AGAP1: variants seen among roughly 807,000 people sequenced by gnomAD.
AGAP1 encodes ArfGAP with GTPase domain, ankyrin repeat and PH domain 1.
In AGAP1, 29 loss-of-function variants were observed where a neutral mutation model predicts 105.3. That is an observed-to-expected ratio of 0.28 (90% CI 0.21 to 0.38). The LOEUF (loss-of-function observed/expected upper bound fraction) is 0.38, where lower values mean the gene tolerates loss of function less well. Ranked by LOEUF, AGAP1 falls within the 10% of genes least tolerant of loss-of-function variation. AGAP1 has a pLI of 1.00. For synonymous variants in AGAP1, 509 were observed against 485.9 expected, an observed-to-expected ratio of 1.05 and a Z score of -0.63; for missense variants, 998 against 1,165.1, an observed-to-expected ratio of 0.86 and a Z score of 2.09.
rs1261926662 is a variant in AGAP1, at chr2:235,549,303, G to A, written c.163+54454G>A. On this transcript the variant is annotated intron_variant, in intron 1 of 17. Transcript: ENST00000304032. This position sits in a 1 kb window ranked among gnomAD's most constrained non-coding sequence, Gnocchi z 4.2. ...ACAGGGATGACTGGAGAGAGCTGGC[G>A]AGTGCAGCCTGCTGGGATGCCAGCT... Among the ~76,000 whole-genome samples the A allele has an allele frequency of 1.3e-5, 2 of 152,228 alleles. No homozygotes were observed. Among genetic ancestry groups the A allele is most frequent in the Non-Finnish European group, 2.9e-5 (2 of 68,050 alleles).
At chr2:235,702,934 G>GTTTTTT (rs549844265) in intron 1 of AGAP1, among the ~76,000 whole-genome samples, 8,951 of 88,852 alleles carry the variant, frequency 0.1, 1,873 homozygotes, top group African/African-American at 0.3. Flanking sequence ...AGTTTTCTTG[G>GTTTTTT]TTTTTTTTTT....
intron 6 of AGAP1, among the ~76,000 whole-genome samples, chr2:235,784,565 A>G (rs1274026082): frequency 6.8e-6 from 1 of 147,556 alleles, no homozygotes; most frequent in Non-Finnish European, 1.5e-5. Flanking sequence ...AGCGATTACA[A>G]TGGCAATTGA....
Position 236,099,396 on chromosome 2 carries a change from G to A in AGAP1, c.2115-20796G>A, listed in dbSNP as rs548468989. On this transcript the variant is annotated intron_variant, in intron 16 of 17. Coordinates refer to ENST00000304032, the MANE Select transcript of AGAP1 (RefSeq NM_001037131.3). ...CATGAACCCAGGAGGAGGAGGTTGC[G>A]GTGAGCCGAGATCACACCACTGCAC... Among the ~76,000 whole-genome samples the A allele has an allele frequency of 1.7e-3, 253 of 151,618 alleles. 2 individuals are homozygous for A. The highest frequency in any genetic ancestry group is 4.9e-3 in the Admixed American group (74 of 15,238).
At chr2:236,049,019 T>A (rs2057814835) in intron 15 of AGAP1, 40 bp from the exon 16 acceptor site, 1 of 1,559,384 alleles carries the variant, frequency 6.4e-7, no homozygotes, top group African/African-American at 1.4e-5. Flanking sequence ...TGATGCATGA[T>A]GGTCTGATTG....
rs1451138291 is a variant in AGAP1, at chr2:236,078,289, GTT to G, written c.2114+29013_2114+29014del. ...GTAGGATTTCATCATCACGAAACCT[GTT>G]TTTTGCTCTTTGGGCTCTCACCTGA... On this transcript the variant is annotated intron_variant, in intron 16 of 17. Coordinates refer to ENST00000304032, the MANE Select transcript of AGAP1 (RefSeq NM_001037131.3). This position sits in a 1 kb window ranked among gnomAD's most constrained non-coding sequence, Gnocchi z 5.3. Among the ~76,000 whole-genome samples, 1 of 152,122 alleles carries G rather than the reference GTT, an allele frequency of 6.6e-6. No individual in the cohort carries two copies. The highest frequency in any genetic ancestry group is 2.4e-5 in the African/African-American group (1 of 41,426).
At chr2:236,066,623 G>A (rs1228109660) in intron 16 of AGAP1, among the ~76,000 whole-genome samples, 1 of 152,172 alleles carries the variant, frequency 6.6e-6, no homozygotes, top group Non-Finnish European at 1.5e-5. Context: ...AAAATGGTTG[G>A]ATTATCCAGA....
rs1472411940 is a variant in AGAP1 at position 235,563,719 on chromosome 2, T to G, written c.163+68870T>G. Among the ~76,000 whole-genome samples the G allele has an allele frequency of 3.3e-5, 5 of 152,100 alleles. No homozygotes were observed. In the East Asian group the frequency reaches 9.6e-4, roughly 29 times the overall value. On this transcript the variant is annotated intron_variant, in intron 1 of 17. Coordinates refer to ENST00000304032, the MANE Select transcript of AGAP1 (RefSeq NM_001037131.3). ...TGATTCTAATGAACTTTGCTATGGCTTGGGAAGGGGCCTCTGCATGGAGAG... is the reference window on the plus strand; with the variant it reads ...TGATTCTAATGAACTTTGCTATGGCGTGGGAAGGGGCCTCTGCATGGAGAG...
intron 1 of AGAP1, among the ~76,000 whole-genome samples, chr2:235,497,200 CCTT>C (rs1941355139): frequency 6.6e-6 from 1 of 152,162 alleles, no homozygotes; most frequent in Non-Finnish European, 1.5e-5. Context: ...ATAATGACCT[CCTT>C]AACATTTGAC....
At chr2:236,072,449 A>C (rs2058526937) in intron 16 of AGAP1, 1 of 151,966 alleles carries the variant, frequency 6.6e-6, no homozygotes, top group South Asian at 2.1e-4. Flanking sequence ...GTCTCAAAAA[A>C]AAAAAAAGAG....
At position 235,550,246 on chromosome 2, in the gene AGAP1, T is replaced by C. The variant is rs1015106964; in HGVS notation, c.163+55397T>C. Among the ~76,000 whole-genome samples, 3 of 152,262 alleles carry C rather than the reference T, an allele frequency of 2.0e-5. No homozygotes were observed. The East Asian group carries it at 5.8e-4, about 29-fold the overall frequency. On this transcript the variant is annotated intron_variant, in intron 1 of 17. Transcript: ENST00000304032. The surrounding 1 kb of genome is among the most constrained non-coding windows in gnomAD (Gnocchi z 4.6). ...GAGGCACCTCCTCGTCACAGTGTTCTCCGCAGCCCTGACTGGCGAGGAGGG... is the reference window on the plus strand; with the variant it reads ...GAGGCACCTCCTCGTCACAGTGTTCCCCGCAGCCCTGACTGGCGAGGAGGG...
In AGAP1 at chr2:235,855,182, ATCGGC is replaced by A; in HGVS notation, c.1051-28162_1051-28158del. ...AGCCTCATCAGGCCCCAGGTGGAAA[ATCGGC>A]GTGGTGACGCATGTGCTGCCATCCC... On this transcript the variant is annotated intron_variant, in intron 9 of 17. Coordinates refer to ENST00000304032, the MANE Select transcript of AGAP1 (RefSeq NM_001037131.3). This position sits in a 1 kb window ranked among gnomAD's most constrained non-coding sequence, Gnocchi z 5.0. Among the ~76,000 whole-genome samples, 1 of 152,212 alleles carries A rather than the reference ATCGGC, an allele frequency of 6.6e-6. No homozygotes were observed. The highest frequency in any genetic ancestry group is 1.5e-5 in the Non-Finnish European group (1 of 68,038).
At chr2:235,539,541 A>AT (rs1455020072) in intron 1 of AGAP1, among the ~76,000 whole-genome samples, 2 of 151,618 alleles carry the variant, frequency 1.3e-5, no homozygotes, top group Non-Finnish European at 2.9e-5. Context: ...CTATTTTGGT[A>AT]TTTTTTTCTC....
intron 1 of AGAP1, among the ~76,000 whole-genome samples, chr2:235,651,304 G>A (rs143386325): frequency 7.3e-5 from 11 of 150,032 alleles, no homozygotes; most frequent in African/African-American, 2.7e-4. Flanking sequence ...TAAACAGGAA[G>A]TTCTAGTACC....
intron 1 of AGAP1, among the ~76,000 whole-genome samples, chr2:235,657,266 C>A (rs908030909): frequency 3.0e-4 from 46 of 152,272 alleles, no homozygotes; most frequent in African/African-American, 1.1e-3. Flanking sequence ...CAATGCATGA[C>A]CTTGTTTATG....
chr2:236,124,265 C>A lies in AGAP1; in HGVS notation c.*143C>A, dbSNP rs1463363773. The A allele has an allele frequency of 4.2e-6, 4 of 955,572 alleles. No homozygotes were observed. Among genetic ancestry groups the A allele is most frequent in the Non-Finnish European group, 6.2e-6 (4 of 641,994 alleles). 59.2% of individuals were successfully genotyped at this position (955,572 alleles called of 1,614,324 possible). A position where few individuals can be genotyped will look rare whatever the true frequency, so the allele number is the denominator to read the frequency against. On this transcript the variant is annotated 3_prime_UTR_variant, in exon 18 of 18. Coordinates refer to ENST00000304032, the MANE Select transcript of AGAP1 (RefSeq NM_001037131.3). The surrounding 1 kb of genome is among the most constrained non-coding windows in gnomAD (Gnocchi z 5.1). The stretch of plus-strand genomic sequence containing the variant: ...CTCCCTCCCGCCCACCCACTCTCAC[C>A]CCAAACAAAATCACAAAACCTGGAC...
rs140786899 is a variant in AGAP1, at chr2:236,020,887, C to T, written c.1646-15674C>T. On this transcript the variant is annotated intron_variant, in intron 13 of 17. Transcript: ENST00000304032. The surrounding 1 kb of genome is among the most constrained non-coding windows in gnomAD (Gnocchi z 5.0). ...CAACTAAGAACTAATGCAGGTAGGCCGGGCACAGTGGCTCACACCTATAAT... is the reference window on the plus strand; with the variant it reads ...CAACTAAGAACTAATGCAGGTAGGCTGGGCACAGTGGCTCACACCTATAAT... Among the ~76,000 whole-genome samples the T allele has an allele frequency of 6.6e-5, 10 of 152,170 alleles. No homozygotes were observed. The highest frequency in any genetic ancestry group is 5.8e-4 in the East Asian group (3 of 5,162).
chr2:235,686,620 GATATATATATATATATATATAT>G (rs1194270184), intron 1 of AGAP1, among the ~76,000 whole-genome samples: 2 of 57,242 alleles, frequency 3.5e-5, no homozygotes, highest in African/African-American at 1.7e-4. Context: ...TGGAGATATA[GATATATATATATATATATATAT>G]ATAGATATAT....
intron 16 of AGAP1, among the ~76,000 whole-genome samples, chr2:236,069,679 C>G (rs902143629): frequency 7.9e-5 from 12 of 152,188 alleles, no homozygotes; most frequent in Non-Finnish European, 2.9e-5. Flanking sequence ...CCACCTCAGC[C>G]TCCCAAAGTG....
chr2:235,602,563 C>G (rs1445188028), intron 1 of AGAP1, among the ~76,000 whole-genome samples: 5 of 152,244 alleles, frequency 3.3e-5, no homozygotes, highest in African/African-American at 1.2e-4. Context: ...TGCCCTTCCG[C>G]TTCCTGCATT....
Sources: allele counts gnomAD v4.1 joint callset (sites outside exome capture counted in the v4.1 genomes callset), GRCh38; gene constraint gnomAD v4.1.1; non-coding constraint Gnocchi (gnomAD v3.1); transcripts MANE v1.5; gene names NCBI Gene and HGNC (gene_info 2026-07-23, HGNC 2026-07-21).